The following CCDC66 variants were observed in gnomAD, a reference collection of about 807,000 sequenced individuals.
The protein encoded by CCDC66 is coiled-coil domain-containing protein 66.
CCDC66 carries 133 observed loss-of-function variants against 128.3 expected under a neutral mutation model. The ratio of observed to expected loss-of-function variants is 1.04; its 90% confidence interval spans 0.90 to 1.20. The LOEUF (loss-of-function observed/expected upper bound fraction) is 1.20, where lower values mean the gene tolerates loss of function less well. Ranked by LOEUF, CCDC66 falls within the 50% of genes most tolerant of loss-of-function variation. The pLI is 0.00. For synonymous variants in CCDC66, 387 were observed against 357.0 expected (o/e 1.08, Z -0.95); for missense variants, 1,126 against 1,075.5 (o/e 1.05, Z -0.66).
chr3:56,617,911 C>G (rs891438676), intron 14 of CCDC66: 1 of 569,766 alleles, frequency 1.8e-6, no homozygotes, highest in Admixed American at 3.3e-5. Context: ...ACTTACACAA[C>G]TTCTGTAGAT....
intron 3 of CCDC66, chr3:56,563,393 GA>G (rs34569651): frequency 0.76 from 146,492 of 193,866 alleles, 52,628 homozygotes; most frequent in Admixed American, 0.8. Flanking sequence ...TTTTTTAATT[GA>G]AAAAAAAAAA....
intron 10 of CCDC66, among the ~76,000 whole-genome samples, chr3:56,600,439 G>A (rs1044943980): frequency 2.0e-5 from 3 of 151,698 alleles, no homozygotes; most frequent in Non-Finnish European, 4.4e-5. Context: ...GAGCCACCGC[G>A]CCCGGCTGCA....
Position 56,616,035 on chromosome 3 carries a change from G to T in CCDC66, c.1825G>T (p.Asp609Tyr). 3 of 1,562,808 alleles carry T rather than the reference G, an allele frequency of 1.9e-6. No homozygotes were observed. The highest frequency in any genetic ancestry group is 2.6e-6 in the Non-Finnish European group (3 of 1,159,336). ...TATGAATTCTACGACTTCTAAGAAG[G>T]ATACTGGTGTGCAAACAGGTATTTG... Reference protein sequence around the residue: ...TYMNSTTSKKDTGVQTDDLNI... With the variant: ...TYMNSTTSKKYTGVQTDDLNI... The change falls in exon 13 of 18, where the codon GAT (aspartate) becomes TAT (tyrosine). Residue 609 changes from aspartate to tyrosine, a missense_variant. Coordinates refer to ENST00000394672, the MANE Select transcript of CCDC66 (RefSeq NM_001141947.3).
At chr3:56,563,135 T>C (rs909124102) in intron 3 of CCDC66, among the ~76,000 whole-genome samples, 1 of 151,672 alleles carries the variant, frequency 6.6e-6, no homozygotes, top group Admixed American at 6.6e-5. Flanking sequence ...CCAAGGCAGG[T>C]GGATCACCTG....
intron 10 of CCDC66, among the ~76,000 whole-genome samples, chr3:56,606,726 G>A (rs62256019): frequency 2.0e-5 from 3 of 151,106 alleles, no homozygotes; most frequent in African/African-American, 4.9e-5. Context: ...CTTCCTATTC[G>A]GCCATCTTGC....
chr3:56,596,194 C>G (rs1007477428), intron 10 of CCDC66, among the ~76,000 whole-genome samples: 1 of 152,200 alleles, frequency 6.6e-6, no homozygotes, highest in Non-Finnish European at 1.5e-5. Context: ...GCTGGGATTA[C>G]AGGCATGAGC....
chr3:56,578,486 C>T (rs1329284215), intron 7 of CCDC66, among the ~76,000 whole-genome samples: 6 of 151,630 alleles, frequency 4.0e-5, no homozygotes, highest in African/African-American at 7.3e-5. Context: ...TGTTTTATGC[C>T]GTTTTTCAAA....
At position 56,559,046 on chromosome 3, in the gene CCDC66, C is replaced by A. The variant is rs550195731; in HGVS notation, c.76+136C>A. ...TAGAAAAAGCTGTTTCCTCAAACTT[C>A]TGCAGATTTCCTTCTAGCCAAATAA... On this transcript the variant is annotated intron_variant, in intron 2 of 17. Coordinates refer to ENST00000394672, the MANE Select transcript of CCDC66 (RefSeq NM_001141947.3). The A allele has an allele frequency of 1.5e-5, 10 of 655,492 alleles. No individual in the cohort carries two copies. In the African/African-American group the frequency reaches 1.6e-4, roughly 11 times the overall value. The allele number at this position is 655,492 out of a possible 1,614,324, so 40.6% of individuals were successfully genotyped here. A position where few individuals can be genotyped will look rare whatever the true frequency, so the allele number is the denominator to read the frequency against.
intron 10 of CCDC66, among the ~76,000 whole-genome samples, chr3:56,610,509 G>A (rs1234402709): frequency 2.0e-5 from 3 of 152,018 alleles, no homozygotes; most frequent in Non-Finnish European, 2.9e-5. Context: ...ATTGGGCTTC[G>A]CCTTTCTCTG....
At chr3:56,581,554 C>T (rs2068372165) in intron 7 of CCDC66, among the ~76,000 whole-genome samples, 1 of 151,586 alleles carries the variant, frequency 6.6e-6, no homozygotes, top group Non-Finnish European at 1.5e-5. Context: ...TTTTATCTAC[C>T]CTTGGTCTTT....
chr3:56,588,577 C>A (rs2070263226), intron 7 of CCDC66, among the ~76,000 whole-genome samples: 1 of 152,148 alleles, frequency 6.6e-6, no homozygotes, highest in African/African-American at 2.4e-5. Context: ...GCAATGATAG[C>A]ACCAAGTGGG....
chr3:56,583,886 G>GCC (rs1244928774), intron 7 of CCDC66, among the ~76,000 whole-genome samples: 1 of 138,296 alleles, frequency 7.2e-6, no homozygotes, highest in Non-Finnish European at 1.6e-5. Flanking sequence ...GGGCAGAGGC[G>GCC]CCCCCCACCT....
chr3:56,605,902 G>C (rs2073998511), intron 10 of CCDC66, among the ~76,000 whole-genome samples: 1 of 152,066 alleles, frequency 6.6e-6, no homozygotes, highest in African/African-American at 2.4e-5. Flanking sequence ...CTCTGCCTCA[G>C]AGAGGTAGGG....
chr3:56,597,776 G>GTTTTTTTTTTTGTTGTT (rs753875788), intron 10 of CCDC66, among the ~76,000 whole-genome samples: 1 of 61,858 alleles, frequency 1.6e-5, no homozygotes, highest in African/African-American at 7.2e-5. Flanking sequence ...TTTGTTTTGG[G>GTTTTTTTTTTTGTTGTT]GTTTTTTTTT....
Position 56,608,164 on chromosome 3 carries a change from G to C in CCDC66, c.1405-5425G>C, listed in dbSNP as rs544690150. ...TGGCTTCATAGAATGAATTAGGGAG[G>C]GTTCCTTCTTTCTCCATCTTGTGGA... On this transcript the variant is annotated intron_variant, in intron 10 of 17. Transcript: ENST00000394672. Among the ~76,000 whole-genome samples the C allele has an allele frequency of 2.0e-5, 3 of 152,144 alleles. No individual in the cohort carries two copies. In the East Asian group the frequency reaches 5.8e-4, roughly 29 times the overall value.
chr3:56,618,262 G>A (rs546484354), intron 15 of CCDC66, 50 bp downstream of exon 15: 6 of 1,454,198 alleles, frequency 4.1e-6, no homozygotes, highest in South Asian at 2.3e-5. Context: ...TTTCTATGTG[G>A]GACAAAAAAG....
At chr3:56,569,356 C>T (rs1017770476) in intron 6 of CCDC66, 8 of 342,926 alleles carry the variant, frequency 2.3e-5, no homozygotes, top group African/African-American at 1.7e-4. Flanking sequence ...TCCTCGGCTT[C>T]TGGTGAGGCC....
intron 6 of CCDC66, among the ~76,000 whole-genome samples, chr3:56,567,323 G>A (rs1346079491): frequency 6.6e-6 from 1 of 152,308 alleles, no homozygotes; most frequent in Non-Finnish European, 1.5e-5. Flanking sequence ...CTGGGAGGCA[G>A]AGGTTGCAGT....
In CCDC66 at chr3:56,619,859, T is replaced by A. The variant is rs1393035452; in HGVS notation, c.2718T>A (p.Asp906Glu). 10 of 1,613,992 alleles carry A rather than the reference T, an allele frequency of 6.2e-6. No individual in the cohort carries two copies. The change falls in exon 17 of 18, where the codon GAT becomes GAA. Residue 906 changes from aspartate (D) to glutamate (E), a missense_variant. Physicochemically the swap from Asp to Glu is conservative, Grantham distance 45. Transcript: ENST00000394672. ...ATCCTAACATGGTGAAAAATAGGGA[T>A]CGACAGCAAGCAATCCTTAAGGGAC... ...LLNPNMVKNRDRQQAILKGLS... is the reference protein window; with the variant it reads ...LLNPNMVKNRERQQAILKGLS...
Sources: allele counts gnomAD v4.1 joint callset (sites outside exome capture counted in the v4.1 genomes callset), GRCh38; gene constraint gnomAD v4.1.1; transcripts MANE v1.5; gene names NCBI Gene and HGNC (gene_info 2026-07-23, HGNC 2026-07-21).